The following SLC12A7 variants were observed in gnomAD, a reference collection of about 807,000 sequenced individuals.
SLC12A7 encodes the protein K-Cl cotransporter 4.
Under a neutral mutation model 120.6 loss-of-function variants are expected in SLC12A7, and 100 were observed. The observed-to-expected ratio is 0.83, with a 90% CI of 0.71 to 0.98. The LOEUF is 0.98. Among genes scored for constraint, SLC12A7 ranks in the 50% least tolerant of loss-of-function variants. SLC12A7 has a pLI of 0.00. For missense variants in SLC12A7, 1,373 were observed against 1,548.1 expected, an observed-to-expected ratio of 0.89 and a Z score of 1.90; for synonymous variants, 760 against 678.0, an observed-to-expected ratio of 1.12 and a Z score of -1.88.
chr5:1,081,672 GCCACGGGCA>G lies in SLC12A7; in HGVS notation c.1193_1201del (p.Val398_Val400del). Reference sequence around the variant, plus strand: ...CAGTGCGCTGGCACGGCTCTCCTCTGCCACGGGCACCGAGGGCACACCTTTCTTCTCCAC... The same window carrying G: ...CAGTGCGCTGGCACGGCTCTCCTCTGCCGAGGGCACACCTTTCTTCTCCAC... On this transcript the variant is annotated inframe_deletion, in exon 9 of 24. Transcript: ENST00000264930. 1 of 1,613,142 alleles carries G rather than the reference GCCACGGGCA, an allele frequency of 6.2e-7. No homozygotes were observed. Among genetic ancestry groups the G allele is most frequent in the Non-Finnish European group, 8.5e-7 (1 of 1,179,978 alleles).
At chr5:1,085,157 C>A in intron 7 of SLC12A7, 75 bp downstream of exon 7, 1 of 1,562,362 alleles carries the variant, frequency 6.4e-7, no homozygotes, top group Non-Finnish European at 8.7e-7. Context: ...GGATGATGGA[C>A]GAGAGGCGGG....
Position 1,051,065 on chromosome 5 carries a change from A to C in SLC12A7, c.*1295T>G, listed in dbSNP as rs1411169989. ...GGGTGTTTAAATAAATAAATATGCC[A>C]CATAGAAAGGGAGGCCCAAGTCGGT... is the stretch of plus-strand genomic sequence containing the variant. On this transcript the variant is annotated 3_prime_UTR_variant, in exon 24 of 24. Transcript: ENST00000264930. 1.0e-5 allele frequency: 4 copies of C among 397,438 alleles called. No individual in the cohort carries two copies. Among genetic ancestry groups the C allele is most frequent in the Non-Finnish European group, 1.8e-5 (4 of 225,728 alleles). The allele number at this position is 397,438 out of a possible 1,614,324, so 24.6% of individuals were successfully genotyped here.
At chr5:1,076,067 C>G (rs1363166574) in intron 14 of SLC12A7, 71 bp downstream of exon 14, 4 of 1,328,762 alleles carry the variant, frequency 3.0e-6, no homozygotes, top group Non-Finnish European at 3.1e-6. Flanking sequence ...TGCTGAGCGG[C>G]CTCACCAGTG....
Position 1,093,526 on chromosome 5 carries a change from G to A in SLC12A7, c.342+7C>T, listed in dbSNP as rs1366408936. 8 of 1,404,236 alleles carry A rather than the reference G, an allele frequency of 5.7e-6. No individual in the cohort carries two copies. In the African/African-American group the frequency reaches 1.1e-4, roughly 19 times the overall value. 87.0% of individuals were successfully genotyped at this position (1,404,236 alleles called of 1,614,324 possible). Reference sequence around the variant, plus strand: ...GGACTGGGCGGGCACGGGCAGGGTGGCAGTACCTTGGCCTCCCGCCGCCGG... The same window carrying A: ...GGACTGGGCGGGCACGGGCAGGGTGACAGTACCTTGGCCTCCCGCCGCCGG... On this transcript the variant is annotated splice_region_variant and intron_variant, in intron 3 of 23. Transcript: ENST00000264930.
the SLC12A7 span, among the ~76,000 whole-genome samples, chr5:1,143,405 C>T: frequency 8.9e-4 from 135 of 152,332 alleles, no homozygotes; most frequent in African/African-American, 3.1e-3. Flanking sequence ...GGCCCGCAGA[C>T]GGTGGCTTCT....
In SLC12A7 at chr5:1,057,591, T is replaced by G. The variant is rs1382614968; in HGVS notation, c.2906A>C (p.Gln969Pro). Residue 969 changes from glutamine to proline, a missense_variant, in exon 22 of 24, where the codon CAA becomes CCA. Gln to Pro is a moderately conservative substitution (Grantham distance 76, BLOSUM62 -1). Coordinates refer to ENST00000264930, the MANE Select transcript of SLC12A7 (RefSeq NM_006598.3). ...ASHTAAAART[Q>P]APPTPDKVQM... ...CACCTTGTCTGGCGTAGGCGGCGCT[T>G]GGGTCCTGGCTGCCGCCGCGGTGTG... The G allele has an allele frequency of 6.2e-7, 1 of 1,610,698 alleles. No individual in the cohort carries two copies. Among genetic ancestry groups the G allele is most frequent in the East Asian group, 2.2e-5 (1 of 44,874 alleles).
At chr5:1,066,771 G>A (rs954564978) in intron 17 of SLC12A7, among the ~76,000 whole-genome samples, 2 of 152,168 alleles carry the variant, frequency 1.3e-5, no homozygotes, top group East Asian at 1.9e-4. Flanking sequence ...AGGGTCGCCC[G>A]GGGGCCCAGG....
chr5:1,098,249 C>T (rs557598343), intron 1 of SLC12A7, among the ~76,000 whole-genome samples: 8 of 63,394 alleles, frequency 1.3e-4, no homozygotes, highest in African/African-American at 2.9e-4. Context: ...CCCAGCCCCC[C>T]TCTAACCCTC....
the SLC12A7 span, among the ~76,000 whole-genome samples, chr5:1,152,743 T>C: frequency 6.6e-6 from 1 of 151,898 alleles, no homozygotes; most frequent in Non-Finnish European, 1.5e-5. Flanking sequence ...GTCAACTGAG[T>C]ACAAAGTCGG....
At position 1,111,092 on chromosome 5, in the gene SLC12A7, T is replaced by G. The variant is rs1309642957; in HGVS notation, c.124+776A>C. 2.0e-5 allele frequency among the ~76,000 whole-genome samples: 3 copies of G among 152,242 alleles called. 1 individual carries two copies. The East Asian group carries it at 5.8e-4, about 29-fold the overall frequency. On this transcript the variant is annotated intron_variant, in intron 1 of 23. Coordinates refer to ENST00000264930, the MANE Select transcript of SLC12A7 (RefSeq NM_006598.3). The stretch of plus-strand genomic sequence containing the variant: ...CCAGCACGCGGGGTGGGGGCTGGAC[T>G]GAGTCCGGACACCTTCTCAGAGACT...
At position 1,060,417 on chromosome 5, in the gene SLC12A7, C is replaced by A. The variant is rs908839718; in HGVS notation, c.2774G>T (p.Arg925Met). Residue 925 changes from arginine (R) to methionine (M), a missense_variant, in exon 21 of 24, where the codon AGG becomes ATG. Arg to Met is a moderately conservative substitution (Grantham distance 91). Transcript: ENST00000264930. ...CGACCTCTGCTCCATCATTAGTGTC[C>A]TCTCGTAGGTGAAAGCAGATATGTC... Reference protein sequence around the residue: ...ENDISAFTYERTLMMEQRSQM... With the variant: ...ENDISAFTYEMTLMMEQRSQM... 6.2e-7 allele frequency: 1 copy of A among 1,613,784 alleles called. No homozygotes were observed. Among genetic ancestry groups the A allele is most frequent in the Non-Finnish European group, 8.5e-7 (1 of 1,179,956 alleles).
At chr5:1,055,914 G>A (rs1298977538) in intron 22 of SLC12A7, among the ~76,000 whole-genome samples, 4 of 152,236 alleles carry the variant, frequency 2.6e-5, no homozygotes, top group African/African-American at 7.2e-5. Flanking sequence ...AAAAAGGGAA[G>A]GGAAGTGTGG....
At position 1,064,232 on chromosome 5, in the gene SLC12A7, C is replaced by T. The variant is rs375569381; in HGVS notation, c.2458G>A (p.Ala820Thr). 9 of 1,611,190 alleles carry T rather than the reference C, an allele frequency of 5.6e-6. No homozygotes were observed. The highest frequency in any genetic ancestry group is 5.3e-5 in the African/African-American group (4 of 74,900). Reference sequence around the variant, plus strand: ...GCCACCAGCAGAGCCTGGTGCGCGGCGGTGGTGTCGCGGACGGTGTCTGCG... The same window carrying T: ...GCCACCAGCAGAGCCTGGTGCGCGGTGGTGGTGTCGCGGACGGTGTCTGCG... ...NFVDTVRDTT[A>T]AHQALLVAKN... Residue 820 changes from alanine to threonine, a missense_variant, in exon 19 of 24, where the codon GCC becomes ACC. Physicochemically the swap from Ala to Thr is moderately conservative, Grantham distance 58. Transcript: ENST00000264930.
intron 1 of SLC12A7, among the ~76,000 whole-genome samples, chr5:1,110,083 G>A (rs561053148): frequency 6.6e-6 from 1 of 152,368 alleles, no homozygotes; most frequent in South Asian, 2.1e-4. Flanking sequence ...TCTGTGGGCT[G>A]AAGATCAGGA....
chr5:1,103,320 C>T (rs1018794932), intron 1 of SLC12A7, among the ~76,000 whole-genome samples: 9 of 152,172 alleles, frequency 5.9e-5, no homozygotes, highest in East Asian at 1.9e-4. Flanking sequence ...AGGAGAGCGC[C>T]GGGAGATCCC....
intron 3 of SLC12A7, among the ~76,000 whole-genome samples, chr5:1,090,083 G>A (rs1390703549): frequency 6.6e-6 from 1 of 152,246 alleles, no homozygotes; most frequent in Non-Finnish European, 1.5e-5. Context: ...CAGGCCCCGT[G>A]CGGGGCTTCG....
chr5:1,080,357 G>A (rs1303754318), intron 9 of SLC12A7, among the ~76,000 whole-genome samples: 1 of 152,146 alleles, frequency 6.6e-6, no homozygotes, highest in East Asian at 1.9e-4. Flanking sequence ...GCACTCAGAC[G>A]GACGGGGGAG....
the SLC12A7 span, among the ~76,000 whole-genome samples, chr5:1,122,067 G>GCC: frequency 9.2e-3 from 1,404 of 152,268 alleles, 10 homozygotes; most frequent in Middle Eastern, 0.017. Context: ...TCTGCCTTGT[G>GCC]CCCCGGGCCC....
chr5:1,061,357 C>T (rs1205479082), intron 20 of SLC12A7, among the ~76,000 whole-genome samples: 1 of 30,664 alleles, frequency 3.3e-5, no homozygotes, highest in Non-Finnish European at 1.3e-4. Flanking sequence ...CCGCACCCGC[C>T]GTGCGGGATC....
Sources: gnomAD v4.1 joint callset for allele counts (sites outside exome capture counted in the v4.1 genomes callset) on GRCh38, gnomAD v4.1.1 for gene constraint, MANE v1.5 for transcripts, NCBI Gene and HGNC (gene_info 2026-07-23, HGNC 2026-07-21) for gene names.